Variants in PPP2R5C observed in about 807,000 individuals in gnomAD.
PPP2R5C encodes protein phosphatase 2 regulatory subunit B'gamma, also known as serine/threonine-protein phosphatase 2A 56 kDa regulatory subunit gamma isoform.
In PPP2R5C, 7 loss-of-function variants were observed where a neutral mutation model predicts 68.9. That is an observed-to-expected ratio of 0.10 (90% CI 0.06 to 0.19). The LOEUF is 0.19. Ranked by LOEUF, PPP2R5C falls within the 10% of genes least tolerant of loss-of-function variation. PPP2R5C has a pLI of 1.00. For missense variants in PPP2R5C, 348 were observed against 641.3 expected (o/e 0.54, Z 4.94); for synonymous variants, 210 against 222.2 (o/e 0.95, Z 0.49).
chr14:101,912,068 AG>A (rs886199813), intron 11 of PPP2R5C, among the ~76,000 whole-genome samples: 1 of 152,122 alleles, frequency 6.6e-6, no homozygotes, highest in African/African-American at 2.4e-5. Flanking sequence ...TCGTTTTTTC[AG>A]TGGATATATG....
chr14:101,810,153 C>T, intron 1 of PPP2R5C: 2 of 956,528 alleles, frequency 2.1e-6, no homozygotes, highest in South Asian at 3.1e-5. Context: ...CCCCATTTCG[C>T]TGCAGACTTA....
chr14:101,909,533 G>T, intron 10 of PPP2R5C, 56 bp from the exon 13 acceptor site: 2 of 1,241,514 alleles, frequency 1.6e-6, no homozygotes, highest in Non-Finnish European at 2.4e-6. Flanking sequence ...GAGTGGAGAG[G>T]CGAGGGCTCA....
In PPP2R5C at chr14:101,871,295, G is replaced by A. The variant is rs113493460; in HGVS notation, c.295-10866G>A. Among the ~76,000 whole-genome samples, 880 of 152,126 alleles carry A rather than the reference G, an allele frequency of 5.8e-3. 6 individuals are homozygous for A. The highest frequency in any genetic ancestry group is 8.6e-3 in the Non-Finnish European group (585 of 67,994). Reference sequence around the variant, plus strand: ...CTCGCTCTGTCACCCAGGCTGGAGTGCAGTGGCACAATCTCTGCTCACTGC... The same window carrying A: ...CTCGCTCTGTCACCCAGGCTGGAGTACAGTGGCACAATCTCTGCTCACTGC... On this transcript the variant is annotated intron_variant, in intron 2 of 13. Transcript: ENST00000334743.
rs2044872562 is a variant in PPP2R5C, at chr14:101,891,128, T to A, written c.689+832T>A. 6.6e-6 allele frequency among the ~76,000 whole-genome samples: 1 copy of A among 152,320 alleles called. No homozygotes were observed. Among genetic ancestry groups the A allele is most frequent in the South Asian group, 2.1e-4 (1 of 4,824 alleles). On this transcript the variant is annotated intron_variant, in intron 6 of 13. Coordinates refer to ENST00000334743, the Ensembl canonical transcript of PPP2R5C. The surrounding 1 kb of genome is among the most constrained non-coding windows in gnomAD (Gnocchi z 4.9). ...ATATTAGACCTTCTAACCCACTGTT[T>A]CCCAGAGTTCCTCAGGGTCCCATGG...
At chr14:101,890,517 T>A (rs1038166740) in intron 6 of PPP2R5C, among the ~76,000 whole-genome samples, 13 of 152,238 alleles carry the variant, frequency 8.5e-5, no homozygotes, top group African/African-American at 3.1e-4. Context: ...ACGTAGATTC[T>A]ACTTCGTATA....
chr14:101,894,665 C>T (rs1327928225), intron 8 of PPP2R5C, 105 bp downstream of exon 10: 1 of 1,094,600 alleles, frequency 9.1e-7, no homozygotes, highest in East Asian at 2.4e-5. Flanking sequence ...ACTTTTTCAT[C>T]TTAAATTGCA....
intron 1 of PPP2R5C, among the ~76,000 whole-genome samples, chr14:101,821,840 A>G (rs1188339871): frequency 6.6e-6 from 1 of 152,094 alleles, no homozygotes; most frequent in African/African-American, 2.4e-5. Context: ...GCTCTAGGCT[A>G]ATTTTACAGG....
At chr14:101,842,255 G>T (rs999841995) in intron 1 of PPP2R5C, among the ~76,000 whole-genome samples, 7 of 152,162 alleles carry the variant, frequency 4.6e-5, no homozygotes, top group Admixed American at 4.6e-4. Context: ...TATTACAGTC[G>T]TGTTACTTAG....
chr14:101,883,395 T>C, intron 4 of PPP2R5C, 37 bp from the exon 7 acceptor site: 1 of 1,611,644 alleles, frequency 6.2e-7, no homozygotes, highest in Non-Finnish European at 8.5e-7. Context: ...GATGGAATGA[T>C]GACACCCAGC....
In PPP2R5C at chr14:101,916,827, T is replaced by C. The variant is rs941192352; in HGVS notation, c.1327-1004T>C. On this transcript the variant is annotated intron_variant, in intron 12 of 13. Coordinates refer to ENST00000334743, the Ensembl canonical transcript of PPP2R5C. This position sits in a 1 kb window ranked among gnomAD's most constrained non-coding sequence, Gnocchi z 5.5. The stretch of plus-strand genomic sequence containing the variant: ...ACTCACTGGGCAGAGAATGGAGGGG[T>C]GTGGATGAGAGCAGCCTGGGCAGGA... Among the ~76,000 whole-genome samples the C allele has an allele frequency of 1.3e-5, 2 of 151,576 alleles. No individual in the cohort carries two copies. The highest frequency in any genetic ancestry group is 2.9e-5 in the Non-Finnish European group (2 of 67,840).
intron 1 of PPP2R5C, among the ~76,000 whole-genome samples, chr14:101,842,124 A>G (rs572245616): frequency 6.6e-6 from 1 of 152,282 alleles, no homozygotes; most frequent in Admixed American, 6.5e-5. Context: ...CACTTACCCA[A>G]ACACTAGAAT....
At chr14:101,850,508 C>T (rs1215185900) in intron 1 of PPP2R5C, among the ~76,000 whole-genome samples, 2 of 152,078 alleles carry the variant, frequency 1.3e-5, no homozygotes, top group African/African-American at 4.8e-5. Flanking sequence ...CGAAACAGTC[C>T]ATGTTCATGA....
intron 1 of PPP2R5C, chr14:101,831,726 C>G: frequency 1.4e-6 from 1 of 701,216 alleles, no homozygotes; most frequent in Non-Finnish European, 2.6e-6. Flanking sequence ...GATTCGAGAC[C>G]TATGTATACA....
chr14:101,812,276 T>C (rs1252455732), intron 1 of PPP2R5C, among the ~76,000 whole-genome samples: 1 of 152,138 alleles, frequency 6.6e-6, no homozygotes, highest in Non-Finnish European at 1.5e-5. Flanking sequence ...AGACCCAGCA[T>C]AGGAGCTCTG....
At chr14:101,761,803 CGCGGGGGCGCGACGGCCGGGGCGGGG>C, upstream of PPP2R5C, 2 of 897,328 alleles carry the variant, frequency 2.2e-6, no homozygotes, top group Non-Finnish European at 2.5e-6. Context: ...CGGCGGCGGC[CGCGGGGGCGCGACGGCCGGGGCGGGG>C]GCGCTGCTGC....
chr14:101,864,322 A>C lies in PPP2R5C; in HGVS notation c.294+7437A>C, dbSNP rs184023767. On this transcript the variant is annotated intron_variant, in intron 2 of 13. Coordinates refer to ENST00000334743, the Ensembl canonical transcript of PPP2R5C. The stretch of plus-strand genomic sequence containing the variant: ...AGAGTGGACCTCTCCAGAAATATCC[A>C]AATCTATTGTGCTGGACCACTGAGA... 1.1e-4 allele frequency among the ~76,000 whole-genome samples: 17 copies of C among 152,302 alleles called. No homozygotes were observed. In the East Asian group the frequency reaches 3.1e-3, roughly 28 times the overall value.
intron 1 of PPP2R5C, among the ~76,000 whole-genome samples, chr14:101,816,166 A>G (rs757907214): frequency 3.3e-5 from 5 of 152,214 alleles, no homozygotes; most frequent in Non-Finnish European, 7.3e-5. Context: ...TAAGACTACC[A>G]AAAAGGTGAC....
intron 2 of PPP2R5C, among the ~76,000 whole-genome samples, chr14:101,779,398 G>A (rs1394935852): frequency 6.6e-6 from 1 of 152,182 alleles, no homozygotes; most frequent in Non-Finnish European, 1.5e-5. Context: ...CTGGCTGCGT[G>A]TATGAGTGGG....
chr14:101,855,365 G>T (rs188288925), intron 1 of PPP2R5C, among the ~76,000 whole-genome samples: 45 of 152,328 alleles, frequency 3.0e-4, no homozygotes, highest in African/African-American at 1.0e-3. Flanking sequence ...GGAAAACGTG[G>T]TTGGGAAGGG....
Sources: allele counts gnomAD v4.1 joint callset (sites outside exome capture counted in the v4.1 genomes callset), GRCh38; gene constraint gnomAD v4.1.1; non-coding constraint Gnocchi (gnomAD v3.1); transcripts MANE v1.5; gene names NCBI Gene and HGNC (gene_info 2026-07-23, HGNC 2026-07-21).